AGBL4: variants seen among roughly 807,000 people sequenced by gnomAD.
AGBL4 encodes the protein AGBL carboxypeptidase 4.
AGBL4 carries 58 observed loss-of-function variants against 66.4 expected under a neutral mutation model. That is an observed-to-expected ratio of 0.87 (90% CI 0.71 to 1.09). AGBL4 has a LOEUF of 1.09. AGBL4 is among the 50% of genes least tolerant of loss of function. The pLI, the probability that AGBL4 is intolerant of heterozygous loss-of-function variation, is 0.00. For synonymous variants in AGBL4, 234 were observed against 222.9 expected, an observed-to-expected ratio of 1.05 and a Z score of -0.44; for missense variants, 579 against 631.0, an observed-to-expected ratio of 0.92 and a Z score of 0.88.
intron 9 of AGBL4, among the ~76,000 whole-genome samples, chr1:48,612,596 C>T (rs1645255674): frequency 6.6e-6 from 1 of 152,162 alleles, no homozygotes. Context: ...TCCTACAGCC[C>T]AGAAACAATG....
chr1:49,253,792 GGA>G (rs1652261325), intron 3 of AGBL4, among the ~76,000 whole-genome samples: 1 of 151,674 alleles, frequency 6.6e-6, no homozygotes, highest in Non-Finnish European at 1.5e-5. Context: ...AGAGAATCCA[GGA>G]GCACATCAAA....
At chr1:49,875,289 A>G (rs1646961310) in intron 1 of AGBL4, among the ~76,000 whole-genome samples, 1 of 127,096 alleles carries the variant, frequency 7.9e-6, no homozygotes, top group South Asian at 3.0e-4. Context: ...TATATCTCCC[A>G]ATGCTATCCC....
Position 48,684,056 on chromosome 1 carries a change from G to A in AGBL4, c.635-20815C>T, listed in dbSNP as rs142395870. 6.5e-3 allele frequency among the ~76,000 whole-genome samples: 997 copies of A among 152,294 alleles called. 11 individuals carry two copies. The highest frequency in any genetic ancestry group is 0.01 in the Non-Finnish European group (682 of 68,020). On this transcript the variant is annotated intron_variant, in intron 6 of 13. Transcript: ENST00000371839. ...AGAATCTGGCTGCCTAGGCCACTGCGTATACAGTCCCAGAGACCCAGGCTT... is the reference window on the plus strand; with the variant it reads ...AGAATCTGGCTGCCTAGGCCACTGCATATACAGTCCCAGAGACCCAGGCTT...
At chr1:48,578,884 G>A (rs1385507570) in intron 11 of AGBL4, among the ~76,000 whole-genome samples, 2 of 152,000 alleles carry the variant, frequency 1.3e-5, no homozygotes, top group Admixed American at 1.3e-4. Flanking sequence ...GGTCATACTG[G>A]AACTGGGGTT....
At chr1:48,689,138 T>TA (rs1646581062) in intron 6 of AGBL4, among the ~76,000 whole-genome samples, 1 of 147,976 alleles carries the variant, frequency 6.8e-6, no homozygotes, top group African/African-American at 2.6e-5. Context: ...GGAGAACTGC[T>TA]TAAACCCAAG....
At chr1:49,747,944 TTG>T (rs4012953) in intron 2 of AGBL4, among the ~76,000 whole-genome samples, 8,702 of 147,346 alleles carry the variant, frequency 0.059, 472 homozygotes, top group African/African-American at 0.15. Context: ...GTGTGTGTGT[TTG>T]TGTGTGTGTG....
At position 49,133,948 on chromosome 1, in the gene AGBL4, G is replaced by A. The variant is rs544007060; in HGVS notation, c.378-88148C>T. Among the ~76,000 whole-genome samples the A allele has an allele frequency of 8.6e-5, 13 of 151,100 alleles. No homozygotes were observed. The East Asian group carries it at 1.4e-3, about 16-fold the overall frequency. On this transcript the variant is annotated intron_variant, in intron 4 of 13. Coordinates refer to ENST00000371839, the MANE Select transcript of AGBL4 (RefSeq NM_032785.4). ...TAATACATATATATATATATGTATCGGGCGAACCAGCCCCCAATATTTCAA... is the reference window on the plus strand; with the variant it reads ...TAATACATATATATATATATGTATCAGGCGAACCAGCCCCCAATATTTCAA...
intron 3 of AGBL4, among the ~76,000 whole-genome samples, chr1:49,590,015 A>G (rs1408878026): frequency 2.0e-5 from 3 of 152,136 alleles, no homozygotes; most frequent in Admixed American, 2.0e-4. Context: ...TACCCCTTAC[A>G]GTATTTTAAA....
chr1:49,064,584 T>C (rs1299124444), intron 4 of AGBL4, among the ~76,000 whole-genome samples: 1 of 152,230 alleles, frequency 6.6e-6, no homozygotes, highest in Non-Finnish European at 1.5e-5. Context: ...CCTTCAAATG[T>C]ATTTCTTTTT....
At chr1:49,937,840 A>C (rs1654258807) in intron 1 of AGBL4, among the ~76,000 whole-genome samples, 1 of 152,214 alleles carries the variant, frequency 6.6e-6, no homozygotes, top group South Asian at 2.1e-4. Flanking sequence ...CATTCAAAGC[A>C]GTGTGTAGAG....
At chr1:48,579,936 A>G (rs866354225) in intron 11 of AGBL4, among the ~76,000 whole-genome samples, 5 of 151,438 alleles carry the variant, frequency 3.3e-5, no homozygotes, top group African/African-American at 1.2e-4. Context: ...AAAAAAAAAA[A>G]AGAATACTCA....
intron 3 of AGBL4, among the ~76,000 whole-genome samples, chr1:49,628,237 T>C (rs1455949162): frequency 1.3e-5 from 2 of 152,164 alleles, no homozygotes; most frequent in Non-Finnish European, 2.9e-5. Context: ...CCACATTATA[T>C]CTTTTCCCAA....
At chr1:49,512,742 T>A (rs1457565196) in intron 3 of AGBL4, among the ~76,000 whole-genome samples, 1 of 151,842 alleles carries the variant, frequency 6.6e-6, no homozygotes, top group African/African-American at 2.4e-5. Flanking sequence ...TTTATAGCAA[T>A]GCACAAACAG....
At chr1:48,699,265 T>A (rs1469505424) in intron 6 of AGBL4, among the ~76,000 whole-genome samples, 1 of 152,254 alleles carries the variant, frequency 6.6e-6, no homozygotes, top group East Asian at 1.9e-4. Flanking sequence ...CAGACCCTTT[T>A]AGCCCCTGAG....
At chr1:48,887,131 C>T (rs1209770783) in intron 5 of AGBL4, among the ~76,000 whole-genome samples, 1 of 152,094 alleles carries the variant, frequency 6.6e-6, no homozygotes, top group Non-Finnish European at 1.5e-5. Context: ...CTGGCAGAAT[C>T]TTCTGTGTGA....
intron 5 of AGBL4, among the ~76,000 whole-genome samples, chr1:48,878,567 A>G (rs954616009): frequency 6.6e-6 from 1 of 151,934 alleles, no homozygotes; most frequent in Non-Finnish European, 1.5e-5. Context: ...TTTATATATG[A>G]CTCAGCACCT....
At chr1:49,139,610 A>G (rs1258901527) in intron 4 of AGBL4, among the ~76,000 whole-genome samples, 3 of 152,112 alleles carry the variant, frequency 2.0e-5, no homozygotes, top group African/African-American at 7.2e-5. Flanking sequence ...CATATTTATA[A>G]CTGGACAGCA....
At chr1:49,469,258 TG>T (rs1646693170) in intron 3 of AGBL4, among the ~76,000 whole-genome samples, 1 of 151,864 alleles carries the variant, frequency 6.6e-6, no homozygotes, top group Non-Finnish European at 1.5e-5. Flanking sequence ...GTTTCTCAAA[TG>T]TCCTTTAAAA....
At chr1:49,761,814 G>C (rs1277234026) in intron 2 of AGBL4, among the ~76,000 whole-genome samples, 1 of 151,974 alleles carries the variant, frequency 6.6e-6, no homozygotes, top group Non-Finnish European at 1.5e-5. Context: ...CTACTTAATT[G>C]CAACTTTGTG....
Sources: allele counts gnomAD v4.1 joint callset (sites outside exome capture counted in the v4.1 genomes callset), GRCh38; gene constraint gnomAD v4.1.1; transcripts MANE v1.5; gene names NCBI Gene and HGNC (gene_info 2026-07-23, HGNC 2026-07-21).